TLL1: variants seen among roughly 807,000 people sequenced by gnomAD.
TLL1 encodes the protein tolloid like 1.
In TLL1, 49 loss-of-function variants were observed where a neutral mutation model predicts 128.2. The ratio of observed to expected loss-of-function variants is 0.38; its 90% confidence interval spans 0.30 to 0.48. The LOEUF (loss-of-function observed/expected upper bound fraction) is 0.48, where lower values mean the gene tolerates loss of function less well. Among genes scored for constraint, TLL1 ranks in the 20% least tolerant of loss-of-function variants. TLL1 has a pLI of 0.96. For missense variants in TLL1, 1,123 were observed against 1,242.0 expected (o/e 0.90, Z 1.44); for synonymous variants, 454 against 418.8 (o/e 1.08, Z -1.03).
chr4:166,067,929 G>A (rs76660853), intron 16 of TLL1, among the ~76,000 whole-genome samples: 2,030 of 151,794 alleles, frequency 0.013, 48 homozygotes, highest in African/African-American at 0.046. Context: ...TCTCTTAACC[G>A]TAAGAACTGA....
rs190845435 is a variant in TLL1 at position 165,991,471 on chromosome 4, A to G, written c.281-1333A>G. Among the ~76,000 whole-genome samples the G allele has an allele frequency of 4.5e-4, 68 of 152,126 alleles. 1 individual carries two copies. Among genetic ancestry groups the G allele is most frequent in the African/African-American group, 1.6e-3 (66 of 41,566 alleles). ...TGCTTAGGAATGAATGTATTTAAGT[A>G]TTACCTCATCTTTCTAAAATGTGCA... On this transcript the variant is annotated intron_variant, in intron 2 of 20. Transcript: ENST00000061240.
intron 12 of TLL1, among the ~76,000 whole-genome samples, chr4:166,043,814 CT>C (rs35370029): frequency 0.3 from 44,751 of 147,932 alleles, 7,267 homozygotes; most frequent in African/African-American, 0.44. Flanking sequence ...CATTTTTCAC[CT>C]TTTTTTTTTT....
chr4:165,918,063 T>C (rs1732865525), intron 1 of TLL1, among the ~76,000 whole-genome samples: 1 of 152,142 alleles, frequency 6.6e-6, no homozygotes, highest in Admixed American at 6.5e-5. Context: ...ATACGTATCT[T>C]ACCCCCCACA....
At chr4:165,947,016 G>A (rs1229492953) in intron 1 of TLL1, among the ~76,000 whole-genome samples, 1 of 152,056 alleles carries the variant, frequency 6.6e-6, no homozygotes, top group East Asian at 1.9e-4. Flanking sequence ...AATACTGAGA[G>A]TATTACCTAG....
chr4:165,882,922 C>CAAG (rs2110814453), intron 1 of TLL1, among the ~76,000 whole-genome samples: 1 of 151,816 alleles, frequency 6.6e-6, no homozygotes, highest in Admixed American at 6.6e-5. Flanking sequence ...AACTCCTGAC[C>CAAG]AAGAGTTAAC....
intron 16 of TLL1, among the ~76,000 whole-genome samples, chr4:166,071,897 ACAAC>A (rs1387687530): frequency 6.6e-6 from 1 of 152,032 alleles, no homozygotes; most frequent in Non-Finnish European, 1.5e-5. Context: ...TGGTTTTAAA[ACAAC>A]CACACCATAT....
intron 7 of TLL1, among the ~76,000 whole-genome samples, chr4:166,009,436 A>T (rs996537369): frequency 2.6e-5 from 4 of 151,472 alleles, no homozygotes; most frequent in Non-Finnish European, 4.4e-5. Flanking sequence ...TTCTAACTGT[A>T]TGTTTCCCCT....
intron 9 of TLL1, among the ~76,000 whole-genome samples, chr4:166,026,619 G>A (rs1738504177): frequency 6.6e-6 from 1 of 152,144 alleles, no homozygotes; most frequent in South Asian, 2.1e-4. Context: ...CCTAGTAGGC[G>A]GAGGTTGCGG....
chr4:166,076,102 T>G (rs1741011157), intron 17 of TLL1, among the ~76,000 whole-genome samples: 1 of 152,156 alleles, frequency 6.6e-6, no homozygotes. Context: ...AAACAGGGTC[T>G]GCCTCTGTCA....
At chr4:166,040,211 C>T (rs1347099096) in intron 10 of TLL1, among the ~76,000 whole-genome samples, 2 of 152,134 alleles carry the variant, frequency 1.3e-5, no homozygotes, top group Non-Finnish European at 1.5e-5. Context: ...ATGAACTGTA[C>T]AGCTCTTTTA....
chr4:165,945,965 A>T (rs1051682815), intron 1 of TLL1, among the ~76,000 whole-genome samples: 5 of 152,194 alleles, frequency 3.3e-5, no homozygotes, highest in African/African-American at 1.2e-4. Flanking sequence ...TCTTAAAAGC[A>T]TAAGAAAACA....
intron 19 of TLL1, among the ~76,000 whole-genome samples, chr4:166,098,246 A>G (rs1324560226): frequency 6.7e-6 from 1 of 148,604 alleles, no homozygotes; most frequent in Non-Finnish European, 1.5e-5. Context: ...GAGGCAGGAG[A>G]ATTGCTTGAA....
At chr4:165,966,852 T>C (rs1735404790) in intron 1 of TLL1, among the ~76,000 whole-genome samples, 1 of 152,148 alleles carries the variant, frequency 6.6e-6, no homozygotes, top group Non-Finnish European at 1.5e-5. Flanking sequence ...AAGTTTTATG[T>C]CCCACTGGGC....
At chr4:165,896,923 A>T (rs1196848617) in intron 1 of TLL1, among the ~76,000 whole-genome samples, 2 of 152,102 alleles carry the variant, frequency 1.3e-5, no homozygotes, top group African/African-American at 4.8e-5. Context: ...TTGCTTCCTG[A>T]CTTTTTAATG....
intron 1 of TLL1, among the ~76,000 whole-genome samples, chr4:165,963,596 A>G (rs1235697734): frequency 6.6e-6 from 1 of 152,196 alleles, no homozygotes; most frequent in Non-Finnish European, 1.5e-5. Context: ...GAAGAATAAT[A>G]AATTAACAAG....
chr4:166,010,338 G>A (rs1262659961), intron 7 of TLL1, among the ~76,000 whole-genome samples: 12 of 151,098 alleles, frequency 7.9e-5, no homozygotes, highest in Non-Finnish European at 1.2e-4. Flanking sequence ...CATTCTGAGT[G>A]TGATGTCATA....
At chr4:166,070,688 T>C (rs990453453) in intron 16 of TLL1, among the ~76,000 whole-genome samples, 4 of 151,906 alleles carry the variant, frequency 2.6e-5, no homozygotes, top group Admixed American at 6.6e-5. Context: ...CTTAAAATAA[T>C]GTGTGCATTG....
At chr4:165,882,724 T>G (rs1195519764) in intron 1 of TLL1, among the ~76,000 whole-genome samples, 1 of 152,132 alleles carries the variant, frequency 6.6e-6, no homozygotes, top group Non-Finnish European at 1.5e-5. Flanking sequence ...GTTCAAGGGA[T>G]TCTCCTGCCT....
intron 1 of TLL1, among the ~76,000 whole-genome samples, chr4:165,907,133 A>C (rs546425728): frequency 6.6e-6 from 1 of 152,350 alleles, no homozygotes; most frequent in East Asian, 1.9e-4. Flanking sequence ...TTAAGAACAT[A>C]CAGTTTTGTG....
Sources: allele counts gnomAD v4.1 joint callset (sites outside exome capture counted in the v4.1 genomes callset), GRCh38; gene constraint gnomAD v4.1.1; transcripts MANE v1.5; gene names NCBI Gene and HGNC (gene_info 2026-07-23, HGNC 2026-07-21).